SLC35F3: variants seen among roughly 807,000 people sequenced by gnomAD.
SLC35F3 encodes the protein putative thiamine transporter SLC35F3.
SLC35F3 carries 25 observed loss-of-function variants against 49.9 expected under a neutral mutation model. The observed-to-expected ratio is 0.50, with a 90% CI of 0.37 to 0.70. The LOEUF is 0.70. Among genes scored for constraint, SLC35F3 ranks in the 30% least tolerant of loss-of-function variants. The probability of loss-of-function intolerance (pLI) is 0.00; values close to 1 mark genes in which losing one functional copy is unlikely to be tolerated. For missense variants in SLC35F3, 525 were observed against 639.8 expected (o/e 0.82, Z 1.94); for synonymous variants, 275 against 265.4 (o/e 1.04, Z -0.35).
intron 2 of SLC35F3, among the ~76,000 whole-genome samples, chr1:234,007,578 A>T (rs563786464): frequency 1.3e-5 from 2 of 152,284 alleles, no homozygotes; most frequent in East Asian, 1.9e-4. Flanking sequence ...CTGTCATTGG[A>T]CCTTCCTCCT....
intron 1 of SLC35F3, 86 bp from the exon 2 acceptor site, chr1:233,905,443 C>A: frequency 1.9e-6 from 2 of 1,048,272 alleles, no homozygotes; most frequent in Non-Finnish European, 2.7e-6. Context: ...CTTGCTCTCG[C>A]CCTGGGATCT....
At chr1:234,100,510 C>T (rs184581432) in intron 2 of SLC35F3, among the ~76,000 whole-genome samples, 143 of 152,328 alleles carry the variant, frequency 9.4e-4, no homozygotes, top group African/African-American at 3.3e-3. Flanking sequence ...GATGAGCATT[C>T]TCCCTTAGAA....
chr1:234,194,151 G>C (rs1468013952), intron 2 of SLC35F3, among the ~76,000 whole-genome samples: 1 of 152,094 alleles, frequency 6.6e-6, no homozygotes, highest in Non-Finnish European at 1.5e-5. Context: ...AAAGATACTT[G>C]CATACGCAAG....
At chr1:234,311,735 C>T (rs1041224542) in intron 4 of SLC35F3, among the ~76,000 whole-genome samples, 3 of 152,174 alleles carry the variant, frequency 2.0e-5, no homozygotes, top group Non-Finnish European at 4.4e-5. Context: ...CTCCTTGTGT[C>T]GCCATCTGAC....
At chr1:234,054,174 T>G (rs1167194461) in intron 2 of SLC35F3, among the ~76,000 whole-genome samples, 2 of 152,198 alleles carry the variant, frequency 1.3e-5, no homozygotes, top group Non-Finnish European at 2.9e-5. Context: ...TTTCCTGAAT[T>G]TGAATGTTGG....
At chr1:234,164,507 C>T (rs1420230931) in intron 2 of SLC35F3, among the ~76,000 whole-genome samples, 1 of 152,068 alleles carries the variant, frequency 6.6e-6, no homozygotes, top group African/African-American at 2.4e-5. Context: ...AAGTACCATC[C>T]ACCACCTTGC....
chr1:234,290,286 A>G (rs1199019893), intron 3 of SLC35F3, among the ~76,000 whole-genome samples: 1 of 152,252 alleles, frequency 6.6e-6, no homozygotes, highest in Non-Finnish European at 1.5e-5. Flanking sequence ...AAATGGGGAG[A>G]AGAAATTGTT....
intron 3 of SLC35F3, among the ~76,000 whole-genome samples, chr1:234,240,040 C>A (rs1420309165): frequency 6.6e-6 from 1 of 152,178 alleles, no homozygotes; most frequent in African/African-American, 2.4e-5. Context: ...GATTTCCTAA[C>A]CATCTTTGAT....
intron 2 of SLC35F3, among the ~76,000 whole-genome samples, chr1:234,011,004 A>G (rs1466322842): frequency 6.6e-6 from 1 of 152,168 alleles, no homozygotes; most frequent in Non-Finnish European, 1.5e-5. Context: ...AACCAAATCC[A>G]TTTTACCATA....
At chr1:233,916,721 T>C (rs887640585) in intron 2 of SLC35F3, among the ~76,000 whole-genome samples, 1 of 152,220 alleles carries the variant, frequency 6.6e-6, no homozygotes, top group Non-Finnish European at 1.5e-5. Context: ...TCTCAATACG[T>C]TGGAGAGTTC....
chr1:234,052,616 GT>G (rs567779797), intron 2 of SLC35F3, among the ~76,000 whole-genome samples: 1 of 151,860 alleles, frequency 6.6e-6, no homozygotes, highest in Non-Finnish European at 1.5e-5. Context: ...TTTTTTGAAG[GT>G]TTTTTTGTGT....
intron 2 of SLC35F3, among the ~76,000 whole-genome samples, chr1:234,148,016 T>A (rs1245990491): frequency 1.3e-5 from 2 of 152,186 alleles, no homozygotes; most frequent in African/African-American, 4.8e-5. Context: ...TCACTGATTA[T>A]AACGGCAAGA....
chr1:234,153,293 C>T (rs182130233), intron 2 of SLC35F3, among the ~76,000 whole-genome samples: 2 of 152,224 alleles, frequency 1.3e-5, no homozygotes, highest in East Asian at 3.9e-4. Context: ...TGTATCTGTG[C>T]TCTCACAATA....
intron 2 of SLC35F3, among the ~76,000 whole-genome samples, chr1:234,122,857 G>T (rs550683655): frequency 3.9e-5 from 6 of 152,062 alleles, no homozygotes; most frequent in Non-Finnish European, 7.4e-5. Context: ...TTTTCTTTAT[G>T]CAGTCTATCA....
chr1:233,957,372 A>T lies in SLC35F3; in HGVS notation c.283+51614A>T, dbSNP rs1662721999. Among the ~76,000 whole-genome samples the T allele has an allele frequency of 6.6e-6, 1 of 152,248 alleles. No individual in the cohort carries two copies. The highest frequency in any genetic ancestry group is 1.5e-5 in the Non-Finnish European group (1 of 68,034). ...TACTAACTGATGCGCTACTCAGTTC[A>T]TCAGGGTGTGGGCTCTGTCACCTTT... On this transcript the variant is annotated intron_variant, in intron 2 of 7. Transcript: ENST00000366618. The surrounding 1 kb of genome is among the most constrained non-coding windows in gnomAD (Gnocchi z 4.0).
chr1:234,034,048 T>A (rs906510058), intron 2 of SLC35F3, among the ~76,000 whole-genome samples: 3 of 152,224 alleles, frequency 2.0e-5, no homozygotes, highest in Non-Finnish European at 4.4e-5. Context: ...TGTTTTATAG[T>A]TTACCTTGTG....
At chr1:233,991,234 G>A (rs1264069078) in intron 2 of SLC35F3, among the ~76,000 whole-genome samples, 1 of 152,114 alleles carries the variant, frequency 6.6e-6, no homozygotes, top group African/African-American at 2.4e-5. Context: ...AGGGAAAGTG[G>A]GAGGGCAGCC....
intron 2 of SLC35F3, among the ~76,000 whole-genome samples, chr1:233,954,734 C>T (rs1487510144): frequency 4.6e-5 from 7 of 152,192 alleles, no homozygotes; most frequent in Non-Finnish European, 8.8e-5. Flanking sequence ...AGCCTTCTTG[C>T]AGCCTTGAGG....
intron 2 of SLC35F3, among the ~76,000 whole-genome samples, chr1:234,110,025 G>C (rs184754757): frequency 6.6e-6 from 1 of 152,218 alleles, no homozygotes. Flanking sequence ...GTGAAGGATA[G>C]TATGACTAGG....
Sources: allele counts gnomAD v4.1 joint callset (sites outside exome capture counted in the v4.1 genomes callset), GRCh38; gene constraint gnomAD v4.1.1; non-coding constraint Gnocchi (gnomAD v3.1); transcripts MANE v1.5; gene names NCBI Gene and HGNC (gene_info 2026-07-23, HGNC 2026-07-21).